RAB3C: variants seen among roughly 807,000 people sequenced by gnomAD.
RAB3C encodes RAB3C, member RAS oncogene family, also known as ras-related protein Rab-3C.
Under a neutral mutation model 26.4 loss-of-function variants are expected in RAB3C, and 17 were observed. The ratio of observed to expected loss-of-function variants is 0.64; its 90% CI spans 0.44 to 0.97. RAB3C has a LOEUF of 0.97. Ranked by LOEUF, RAB3C falls within the 50% of genes least tolerant of loss-of-function variation. RAB3C has a pLI of 0.00. For synonymous variants in RAB3C, 91 were observed against 95.9 expected (o/e 0.95, Z 0.30); for missense variants, 242 against 281.9 (o/e 0.86, Z 1.01).
intron 2 of RAB3C, among the ~76,000 whole-genome samples, chr5:58,719,067 G>A (rs1429643451): frequency 1.3e-5 from 2 of 151,964 alleles, no homozygotes; most frequent in Non-Finnish European, 2.9e-5. Context: ...TGTTGTTTCT[G>A]TTGTTTGGGG....
intron 3 of RAB3C, among the ~76,000 whole-genome samples, chr5:58,765,466 A>T (rs1276101083): frequency 6.6e-6 from 1 of 152,212 alleles, no homozygotes; most frequent in African/African-American, 2.4e-5. Flanking sequence ...TAACAAACGC[A>T]TCATGTGTAA....
At chr5:58,694,056 A>G (rs1279878105) in intron 2 of RAB3C, among the ~76,000 whole-genome samples, 3 of 152,020 alleles carry the variant, frequency 2.0e-5, no homozygotes, top group African/African-American at 4.8e-5. Flanking sequence ...GACATTAGGT[A>G]TTTCTCCTAA....
chr5:58,777,849 G>C (rs764733173), intron 3 of RAB3C, among the ~76,000 whole-genome samples: 9 of 151,570 alleles, frequency 5.9e-5, no homozygotes, highest in Non-Finnish European at 8.8e-5. Flanking sequence ...GTGGTGTTTG[G>C]TTTTTTGTCC....
chr5:58,731,011 T>A (rs1165936046), intron 3 of RAB3C, among the ~76,000 whole-genome samples: 5 of 152,054 alleles, frequency 3.3e-5, no homozygotes, highest in African/African-American at 1.2e-4. Flanking sequence ...CTCGTGAGAC[T>A]TACTATCATA....
intron 2 of RAB3C, among the ~76,000 whole-genome samples, chr5:58,687,443 A>C (rs1188753215): frequency 3.3e-5 from 5 of 152,144 alleles, no homozygotes; most frequent in African/African-American, 1.2e-4. Flanking sequence ...AAATGAAGGT[A>C]ACTAATTGTG....
chr5:58,589,162 C>A (rs183419659), intron 1 of RAB3C, among the ~76,000 whole-genome samples: 300 of 152,088 alleles, frequency 2.0e-3, no homozygotes, highest in African/African-American at 6.9e-3. Context: ...TTGTCAAATG[C>A]TTGTTCTACA....
At chr5:58,790,253 A>T (rs558659427) in intron 3 of RAB3C, among the ~76,000 whole-genome samples, 3 of 152,324 alleles carry the variant, frequency 2.0e-5, no homozygotes, top group African/African-American at 7.2e-5. Context: ...TAAGTTAGTC[A>T]TATTTTTATC....
chr5:58,771,018 T>C (rs1334293741), intron 3 of RAB3C, among the ~76,000 whole-genome samples: 2 of 152,172 alleles, frequency 1.3e-5, no homozygotes, highest in African/African-American at 4.8e-5. Context: ...AATGCTTCAC[T>C]ATATTTGTAA....
chr5:58,841,458 G>C (rs780270729), intron 4 of RAB3C, among the ~76,000 whole-genome samples: 12 of 152,136 alleles, frequency 7.9e-5, no homozygotes, highest in African/African-American at 1.4e-4. Context: ...AGGTGCAGTA[G>C]ATACTGGCCC....
chr5:58,772,238 A>G (rs1000485856), intron 3 of RAB3C, among the ~76,000 whole-genome samples: 1 of 152,194 alleles, frequency 6.6e-6, no homozygotes, highest in East Asian at 1.9e-4. Flanking sequence ...ATAGGGAACT[A>G]GTGAAGGTTT....
At chr5:58,672,710 A>G (rs777292957) in intron 2 of RAB3C, among the ~76,000 whole-genome samples, 1 of 152,212 alleles carries the variant, frequency 6.6e-6, no homozygotes, top group Non-Finnish European at 1.5e-5. Flanking sequence ...GCCTTATGAA[A>G]TGATTATTCA....
intron 2 of RAB3C, among the ~76,000 whole-genome samples, chr5:58,692,100 G>C (rs1389167157): frequency 6.6e-6 from 1 of 152,120 alleles, no homozygotes; most frequent in Non-Finnish European, 1.5e-5. Context: ...AGCTCCAAAT[G>C]GTTGGACACT....
intron 3 of RAB3C, among the ~76,000 whole-genome samples, chr5:58,809,090 G>C (rs1282534922): frequency 1.3e-5 from 2 of 152,160 alleles, no homozygotes; most frequent in South Asian, 2.1e-4. Context: ...TCAAGGATGT[G>C]ACATACCCAG....
chr5:58,789,856 T>A (rs1055706895), intron 3 of RAB3C, among the ~76,000 whole-genome samples: 4 of 152,240 alleles, frequency 2.6e-5, no homozygotes, highest in Admixed American at 6.5e-5. Flanking sequence ...AGTTGAAACA[T>A]TAGCCAGACA....
intron 2 of RAB3C, among the ~76,000 whole-genome samples, chr5:58,624,362 T>C (rs1056510609): frequency 5.3e-5 from 8 of 152,170 alleles, no homozygotes; most frequent in African/African-American, 1.9e-4. Context: ...TCAGTGCGGA[T>C]TGATACAAGA....
chr5:58,626,876 C>A (rs1200506710), intron 2 of RAB3C, among the ~76,000 whole-genome samples: 1 of 152,052 alleles, frequency 6.6e-6, no homozygotes, highest in Non-Finnish European at 1.5e-5. Flanking sequence ...ATATGAAGAA[C>A]TTCAATTTTG....
intron 2 of RAB3C, among the ~76,000 whole-genome samples, chr5:58,650,191 T>G (rs1747614384): frequency 6.6e-6 from 1 of 152,198 alleles, no homozygotes; most frequent in South Asian, 2.1e-4. Flanking sequence ...CATTAAATAC[T>G]GGCTTTGTAC....
intron 1 of RAB3C, among the ~76,000 whole-genome samples, chr5:58,614,763 T>C (rs568152971): frequency 8.5e-5 from 13 of 152,260 alleles, no homozygotes; most frequent in Non-Finnish European, 1.9e-4. Context: ...GATATCTATA[T>C]AGTTCACCCT....
intron 3 of RAB3C, among the ~76,000 whole-genome samples, chr5:58,816,100 T>A (rs1054853923): frequency 2.0e-5 from 3 of 152,194 alleles, no homozygotes; most frequent in African/African-American, 7.2e-5. Flanking sequence ...TACTGCCAGC[T>A]CCAGAACACA....
Sources: gnomAD v4.1 joint callset for allele counts (sites outside exome capture counted in the v4.1 genomes callset) on GRCh38, gnomAD v4.1.1 for gene constraint, MANE v1.5 for transcripts, NCBI Gene and HGNC (gene_info 2026-07-23, HGNC 2026-07-21) for gene names.